Variants in TRAPPC3L observed in about 807,000 individuals in gnomAD.
TRAPPC3L encodes trafficking protein particle complex subunit 3L.
A neutral mutation model predicts 23.7 loss-of-function variants in TRAPPC3L; 23 were observed. The observed-to-expected ratio is 0.97, with a 90% CI of 0.70 to 1.37. The LOEUF is 1.37. TRAPPC3L is among the 40% of genes most tolerant of loss of function. The pLI is 0.00. For missense variants in TRAPPC3L, 212 were observed against 216.8 expected (o/e 0.98, Z 0.14); for synonymous variants, 81 against 77.9 (o/e 1.04, Z -0.21).
chr6:116,514,936 T>C (rs980685272), intron 3 of TRAPPC3L, among the ~76,000 whole-genome samples: 7 of 152,208 alleles, frequency 4.6e-5, no homozygotes, highest in Non-Finnish European at 8.8e-5. Flanking sequence ...AGAAGATAAT[T>C]TAAGCTATTT....
chr6:116,512,845 G>A (rs921592080), intron 3 of TRAPPC3L, among the ~76,000 whole-genome samples: 6 of 152,128 alleles, frequency 3.9e-5, no homozygotes, highest in African/African-American at 1.2e-4. Context: ...AAAAGTGACT[G>A]TACTCTCTAG....
In TRAPPC3L at chr6:116,511,090, A is replaced by T. The variant is rs563510849; in HGVS notation, c.241-10424T>A. 3.5e-4 allele frequency among the ~76,000 whole-genome samples: 49 copies of T among 139,580 alleles called. No individual in the cohort carries two copies. The East Asian group carries it at 9.3e-3, about 26-fold the overall frequency. The allele number at this position is 139,580 out of a possible 152,430, so 91.6% of individuals were successfully genotyped here. On this transcript the variant is annotated intron_variant, in intron 3 of 4. Transcript: ENST00000368602. ...ACATATCCGGTGATGGGTGCACTAA[A>T]ATCTCATATATATATGTATATATAT...
At chr6:116,543,693 C>A in intron 1 of TRAPPC3L, 1 of 826,218 alleles carries the variant, frequency 1.2e-6, no homozygotes, top group Non-Finnish European at 1.9e-6. Flanking sequence ...TCATGGAGGA[C>A]AGTTTTTTAA....
At chr6:116,497,684 T>A (rs1771851766) in intron 4 of TRAPPC3L, among the ~76,000 whole-genome samples, 1 of 152,196 alleles carries the variant, frequency 6.6e-6, no homozygotes, top group Non-Finnish European at 1.5e-5. Flanking sequence ...GGCACTGAAG[T>A]AAGCAGGGCT....
At chr6:116,515,282 A>G (rs1324058834) in intron 3 of TRAPPC3L, among the ~76,000 whole-genome samples, 3 of 152,194 alleles carry the variant, frequency 2.0e-5, no homozygotes, top group Non-Finnish European at 4.4e-5. Flanking sequence ...CAGAGCTAAT[A>G]CTATTTGAGC....
In TRAPPC3L at chr6:116,499,776, C is replaced by T. The variant is rs574143000; in HGVS notation, c.426+705G>A. Among the ~76,000 whole-genome samples the T allele has an allele frequency of 2.0e-3, 308 of 152,298 alleles. 3 individuals carry two copies. Among genetic ancestry groups the T allele is most frequent in the African/African-American group, 7.1e-3 (294 of 41,564 alleles). ...GTTTAGAGTTTCCTTAGGAAGTCTA[C>T]AAGTTTTTCCTGCCACACGTCCTCT... On this transcript the variant is annotated intron_variant, in intron 4 of 4. Coordinates refer to ENST00000368602, the MANE Select transcript of TRAPPC3L (RefSeq NM_001139444.3).
At chr6:116,526,281 T>C (rs1174994464) in intron 3 of TRAPPC3L, among the ~76,000 whole-genome samples, 1 of 152,236 alleles carries the variant, frequency 6.6e-6, no homozygotes, top group Non-Finnish European at 1.5e-5. Flanking sequence ...TTTATTTTAT[T>C]TGAAGCATGT....
At chr6:116,538,278 T>C (rs1296573971) in intron 3 of TRAPPC3L, among the ~76,000 whole-genome samples, 1 of 152,210 alleles carries the variant, frequency 6.6e-6, no homozygotes, top group Non-Finnish European at 1.5e-5. Context: ...TCTAACTGGA[T>C]GAGCCAATAT....
chr6:116,519,222 T>G (rs1338796950), intron 3 of TRAPPC3L: 1 of 152,156 alleles, frequency 6.6e-6, no homozygotes, highest in Admixed American at 6.5e-5. Flanking sequence ...TAAAAGGAAA[T>G]CCTCTTAGGA....
chr6:116,503,046 G>C (rs1336130199), intron 3 of TRAPPC3L, among the ~76,000 whole-genome samples: 1 of 152,130 alleles, frequency 6.6e-6, no homozygotes, highest in Non-Finnish European at 1.5e-5. Context: ...AATATAGTGG[G>C]CTAAATGCCC....
intron 4 of TRAPPC3L, 63 bp from the exon 5 acceptor site, chr6:116,497,136 TCA>T (rs1398357978): frequency 6.2e-5 from 92 of 1,493,080 alleles, no homozygotes; most frequent in Admixed American, 2.3e-4. Context: ...CTAAATTTTC[TCA>T]GTCTTTTTTC....
chr6:116,499,826 T>C (rs1303549866), intron 4 of TRAPPC3L, among the ~76,000 whole-genome samples: 1 of 152,240 alleles, frequency 6.6e-6, no homozygotes, highest in Non-Finnish European at 1.5e-5. Flanking sequence ...TACTTCTTTG[T>C]ACATCTGACT....
At chr6:116,514,323 A>G (rs1772180687) in intron 3 of TRAPPC3L, among the ~76,000 whole-genome samples, 1 of 152,196 alleles carries the variant, frequency 6.6e-6, no homozygotes, top group Non-Finnish European at 1.5e-5. Context: ...CAGACGATGA[A>G]GGAAGGAGGA....
intron 3 of TRAPPC3L, among the ~76,000 whole-genome samples, chr6:116,526,719 C>G (rs557627860): frequency 6.6e-6 from 1 of 152,260 alleles, no homozygotes; most frequent in South Asian, 2.1e-4. Flanking sequence ...GTCTCTGAAT[C>G]CTTAGACCCA....
rs566280211 is a variant in TRAPPC3L at position 116,535,171 on chromosome 6, G to A, written c.240+5192C>T. ...ATTTATGATTATAATTCAATGTGCA[G>A]ATGATAGCTAGTGAAAATAACACCT... On this transcript the variant is annotated intron_variant, in intron 3 of 4. Transcript: ENST00000368602. Among the ~76,000 whole-genome samples the A allele has an allele frequency of 2.0e-5, 3 of 152,350 alleles. No homozygotes were observed. In the South Asian group the frequency reaches 6.2e-4, roughly 32 times the overall value.
intron 3 of TRAPPC3L, among the ~76,000 whole-genome samples, chr6:116,505,553 ATT>A (rs1165668895): frequency 6.6e-6 from 1 of 152,238 alleles, no homozygotes; most frequent in Non-Finnish European, 1.5e-5. Context: ...AAGAGCCCGC[ATT>A]GCCAAGACAA....
At chr6:116,540,314 G>C (rs1241207079) in intron 3 of TRAPPC3L, 49 bp downstream of exon 3, 29 of 1,515,636 alleles carry the variant, frequency 1.9e-5, no homozygotes, top group Non-Finnish European at 2.5e-5. Flanking sequence ...TACTCAAAAA[G>C]AATCAGAGAT....
intron 3 of TRAPPC3L, among the ~76,000 whole-genome samples, chr6:116,526,349 G>A (rs546794935): frequency 2.2e-4 from 34 of 152,324 alleles, no homozygotes; most frequent in Non-Finnish European, 3.5e-4. Context: ...GTCTGGAGGC[G>A]TGGCAGCCTT....
rs540866617 is a variant in TRAPPC3L, at chr6:116,538,352, G to C, written c.240+2011C>G. On this transcript the variant is annotated intron_variant, in intron 3 of 4. Coordinates refer to ENST00000368602, the MANE Select transcript of TRAPPC3L (RefSeq NM_001139444.3). ...CAGATAATCTCTGACCCTACATCGTGTGACAGAATGTAATTCCAGCTTCTC... is the reference window on the plus strand; with the variant it reads ...CAGATAATCTCTGACCCTACATCGTCTGACAGAATGTAATTCCAGCTTCTC... Among the ~76,000 whole-genome samples, 593 of 152,332 alleles carry C rather than the reference G, an allele frequency of 3.9e-3. 4 individuals carry two copies. The highest frequency in any genetic ancestry group is 6.5e-3 in the Non-Finnish European group (440 of 68,026).
Sources: gnomAD v4.1 joint callset for allele counts (sites outside exome capture counted in the v4.1 genomes callset) on GRCh38, gnomAD v4.1.1 for gene constraint, MANE v1.5 for transcripts, NCBI Gene and HGNC (gene_info 2026-07-23, HGNC 2026-07-21) for gene names.